PCSK2: variants seen among roughly 807,000 people sequenced by gnomAD.
The protein encoded by PCSK2 is proprotein convertase subtilisin/kexin type 2.
In PCSK2, 14 loss-of-function variants were observed where a neutral mutation model predicts 69.7. That is an observed-to-expected ratio of 0.20 (90% confidence interval 0.13 to 0.31). PCSK2 has a LOEUF of 0.31. PCSK2 is among the 10% of genes least tolerant of loss of function. The pLI is 1.00. For missense variants in PCSK2, 544 were observed against 842.5 expected, an observed-to-expected ratio of 0.65 and a Z score of 4.39; for synonymous variants, 307 against 320.7, an observed-to-expected ratio of 0.96 and a Z score of 0.46.
chr20:17,416,620 C>G (rs925324332), intron 6 of PCSK2, among the ~76,000 whole-genome samples: 6 of 152,146 alleles, frequency 3.9e-5, no homozygotes, highest in African/African-American at 1.4e-4. Context: ...ATGGTGATTC[C>G]TCAAGGATCT....
intron 2 of PCSK2, among the ~76,000 whole-genome samples, chr20:17,306,209 G>T (rs76325614): frequency 1.3e-5 from 2 of 152,062 alleles, no homozygotes; most frequent in African/African-American, 4.8e-5. Flanking sequence ...TTCCTCAGTC[G>T]TTTCTTGGTT....
chr20:17,361,216 T>C (rs2030382150), intron 4 of PCSK2, among the ~76,000 whole-genome samples: 1 of 152,166 alleles, frequency 6.6e-6, no homozygotes, highest in Non-Finnish European at 1.5e-5. Flanking sequence ...AGTAACAGGA[T>C]TGGAGCTTGG....
At chr20:17,347,836 GAAAGAA>G (rs1990697128) in intron 2 of PCSK2, among the ~76,000 whole-genome samples, 1 of 124,492 alleles carries the variant, frequency 8.0e-6, no homozygotes, top group Non-Finnish European at 1.7e-5. Context: ...AAGAAAGAAA[GAAAGAA>G]AGAAAGAAAG....
chr20:17,291,618 T>C (rs1364179165), intron 2 of PCSK2, among the ~76,000 whole-genome samples: 3 of 152,212 alleles, frequency 2.0e-5, no homozygotes, highest in Non-Finnish European at 2.9e-5. Flanking sequence ...ATGCTACCAA[T>C]TGTCCTCCAC....
intron 2 of PCSK2, among the ~76,000 whole-genome samples, chr20:17,340,486 G>A (rs1342601185): frequency 6.6e-6 from 1 of 152,028 alleles, no homozygotes; most frequent in Non-Finnish European, 1.5e-5. Flanking sequence ...TTTTGTGCTG[G>A]GCATCCTCTT....
intron 2 of PCSK2, among the ~76,000 whole-genome samples, chr20:17,276,208 G>A (rs535023023): frequency 6.6e-6 from 1 of 152,192 alleles, no homozygotes; most frequent in East Asian, 1.9e-4. Flanking sequence ...TTACCAAAAT[G>A]ATAGTTTACA....
At chr20:17,466,632 A>G (rs1287807440) in intron 11 of PCSK2, among the ~76,000 whole-genome samples, 3 of 152,234 alleles carry the variant, frequency 2.0e-5, no homozygotes, top group African/African-American at 7.2e-5. Flanking sequence ...TTGATGCATT[A>G]GTAAAATGGA....
intron 2 of PCSK2, among the ~76,000 whole-genome samples, chr20:17,277,541 C>T (rs1421221924): frequency 1.3e-5 from 2 of 151,964 alleles, no homozygotes; most frequent in Admixed American, 6.6e-5. Flanking sequence ...ACTGGATCCC[C>T]TCCTTACACC....
intron 4 of PCSK2, 98 bp from the exon 5 acceptor site, chr20:17,369,142 C>A: frequency 1.0e-6 from 1 of 1,000,774 alleles, no homozygotes; most frequent in Non-Finnish European, 1.6e-6. Context: ...CCTTCTGGCA[C>A]CAGCCCCATA....
intron 6 of PCSK2, among the ~76,000 whole-genome samples, chr20:17,412,906 C>G (rs2031910815): frequency 6.6e-6 from 1 of 152,174 alleles, no homozygotes; most frequent in Non-Finnish European, 1.5e-5. Context: ...AATTTTCAAC[C>G]CAGAATTTCA....
At chr20:17,342,119 G>GTTC (rs1990527581) in intron 2 of PCSK2, among the ~76,000 whole-genome samples, 1 of 152,184 alleles carries the variant, frequency 6.6e-6, no homozygotes, top group Non-Finnish European at 1.5e-5. Flanking sequence ...TACTGTAAAT[G>GTTC]TTCTTGAGTG....
chr20:17,367,960 A>G (rs951569900), intron 4 of PCSK2, among the ~76,000 whole-genome samples: 1 of 152,208 alleles, frequency 6.6e-6, no homozygotes. Context: ...CCCAAACTAT[A>G]GAAAGCAGCC....
chr20:17,292,286 A>G (rs2123068100), intron 2 of PCSK2, among the ~76,000 whole-genome samples: 1 of 152,138 alleles, frequency 6.6e-6, no homozygotes, highest in East Asian at 1.9e-4. Flanking sequence ...ATTTTAAAGC[A>G]TTTTTTCTTG....
chr20:17,281,014 T>C (rs773661852), intron 2 of PCSK2, among the ~76,000 whole-genome samples: 1 of 152,050 alleles, frequency 6.6e-6, no homozygotes, highest in African/African-American at 2.4e-5. Flanking sequence ...CCCGCCATAT[T>C]TGCCTTCTCC....
chr20:17,231,321 G>A (rs1592016), intron 1 of PCSK2, among the ~76,000 whole-genome samples: 63,140 of 151,990 alleles, frequency 0.42, 14,445 homozygotes, highest in East Asian at 0.56. Flanking sequence ...ATTTCTGGTC[G>A]CTTCACTTTT....
At chr20:17,330,491 G>T (rs1259365679) in intron 2 of PCSK2, among the ~76,000 whole-genome samples, 4 of 152,196 alleles carry the variant, frequency 2.6e-5, no homozygotes, top group Admixed American at 2.0e-4. Context: ...CTACTCAGGA[G>T]GCTGAGGCAG....
chr20:17,308,150 G>C (rs1934890), intron 2 of PCSK2, among the ~76,000 whole-genome samples: 86,484 of 127,670 alleles, frequency 0.68, 29,613 homozygotes, highest in East Asian at 0.89. Context: ...TTTAAACAAC[G>C]AGATCTCACA....
intron 10 of PCSK2, among the ~76,000 whole-genome samples, chr20:17,460,216 A>T (rs1251413687): frequency 1.3e-5 from 2 of 152,138 alleles, no homozygotes; most frequent in African/African-American, 4.8e-5. Flanking sequence ...AAAATAAATA[A>T]ATAAACAAAT....
chr20:17,229,493 C>G (rs999913135), intron 1 of PCSK2, among the ~76,000 whole-genome samples: 5 of 150,666 alleles, frequency 3.3e-5, no homozygotes, highest in Admixed American at 3.3e-4. Flanking sequence ...GTGGTTTTCT[C>G]TTCTCTTTGC....
Sources: gnomAD v4.1 joint callset for allele counts (sites outside exome capture counted in the v4.1 genomes callset) on GRCh38, gnomAD v4.1.1 for gene constraint, MANE v1.5 for transcripts, NCBI Gene and HGNC (gene_info 2026-07-23, HGNC 2026-07-21) for gene names.